The following WNT9B variants were observed in gnomAD, a reference collection of about 807,000 sequenced individuals.
WNT9B encodes the protein protein Wnt-9b.
WNT9B carries 12 observed loss-of-function variants against 30.2 expected under a neutral mutation model. The ratio of observed to expected loss-of-function variants is 0.40; its 90% CI spans 0.26 to 0.64. The LOEUF (loss-of-function observed/expected upper bound fraction) is 0.64. WNT9B is among the 30% of genes least tolerant of loss of function. WNT9B has a pLI of 0.42. For missense variants in WNT9B, 442 were observed against 485.2 expected, an observed-to-expected ratio of 0.91 and a Z score of 0.84; for synonymous variants, 218 against 216.9, an observed-to-expected ratio of 1.01 and a Z score of -0.05.
At chr17:46,861,824 C>T (rs1767528993) in intron 1 of WNT9B, among the ~76,000 whole-genome samples, 1 of 152,178 alleles carries the variant, frequency 6.6e-6, no homozygotes, top group Admixed American at 6.5e-5. Context: ...GTGTTACAAT[C>T]CCTTTGAGGC....
At chr17:46,845,388 T>A (rs1490745684) in intron 1 of WNT9B, among the ~76,000 whole-genome samples, 1 of 152,046 alleles carries the variant, frequency 6.6e-6, no homozygotes. Context: ...GTGGGGGTTA[T>A]ATTCACGGTG....
At chr17:46,866,719 C>G (rs1403400801) in intron 1 of WNT9B, among the ~76,000 whole-genome samples, 1 of 152,102 alleles carries the variant, frequency 6.6e-6, no homozygotes, top group Non-Finnish European at 1.5e-5. Flanking sequence ...CTCCTGGACC[C>G]TCCAGCTAAG....
chr17:46,882,739 T>G (rs2085439555), downstream of WNT9B, among the ~76,000 whole-genome samples: 1 of 152,142 alleles, frequency 6.6e-6, no homozygotes, highest in Non-Finnish European at 1.5e-5. Flanking sequence ...AAACACGGAT[T>G]GGTGGCCTAT....
upstream of WNT9B, among the ~76,000 whole-genome samples, chr17:46,847,015 G>A (rs1335939701): frequency 3.9e-5 from 6 of 152,162 alleles, no homozygotes; most frequent in Non-Finnish European, 7.3e-5. Flanking sequence ...GAGATGTATT[G>A]TTATGTATTT....
upstream of WNT9B, among the ~76,000 whole-genome samples, chr17:46,848,915 G>A (rs111738409): frequency 8.1e-5 from 12 of 147,502 alleles, no homozygotes; most frequent in African/African-American, 2.3e-4. Flanking sequence ...AGCCAGGCCC[G>A]GCACATGTGT....
intron 1 of WNT9B, among the ~76,000 whole-genome samples, chr17:46,840,012 T>TCTTCTTTCTTTCTTTTTTC (rs2084691160): frequency 1.0e-5 from 1 of 96,674 alleles, no homozygotes; most frequent in African/African-American, 4.3e-5. Context: ...TCTTTCTTTC[T>TCTTCTTTCTTTCTTTTTTC]TTCTTTCTTT....
chr17:46,873,371 A>G (rs76991472), intron 2 of WNT9B, among the ~76,000 whole-genome samples: 361 of 152,238 alleles, frequency 2.4e-3, no homozygotes, highest in African/African-American at 7.7e-3. Flanking sequence ...CTGGAGGTTC[A>G]GAGCTGAACC....
At chr17:46,867,696 G>T (rs571343280) in intron 1 of WNT9B, among the ~76,000 whole-genome samples, 1 of 151,900 alleles carries the variant, frequency 6.6e-6, no homozygotes, top group African/African-American at 2.4e-5. Flanking sequence ...ACAATTGTGG[G>T]TGGGGTGTGT....
At position 46,871,478 on chromosome 17, in the gene WNT9B, G is replaced by A. The variant is rs1260530571; in HGVS notation, c.78-1039G>A. On this transcript the variant is annotated intron_variant, in intron 1 of 3. Transcript: ENST00000290015. ...CGTAAATCCTTTGTTTCCTCATCTG[G>A]ACAAAGGGGAGACTCTGCTTAGCTG... Among the ~76,000 whole-genome samples, 6 of 152,094 alleles carry A rather than the reference G, an allele frequency of 3.9e-5. No homozygotes were observed. The East Asian group carries it at 1.2e-3, about 29-fold the overall frequency.
At chr17:46,870,672 G>A (rs1257618531) in intron 1 of WNT9B, among the ~76,000 whole-genome samples, 1 of 152,216 alleles carries the variant, frequency 6.6e-6, no homozygotes, top group Non-Finnish European at 1.5e-5. Context: ...CCTCTGGTGA[G>A]GCTTCCAACT....
At chr17:46,876,169 G>A in intron 3 of WNT9B, 76 bp from the exon 4 acceptor site, 1 of 1,372,400 alleles carries the variant, frequency 7.3e-7, no homozygotes, top group Non-Finnish European at 9.9e-7. Context: ...GCCCTGCTGG[G>A]GTTGGTGCTC....
chr17:46,853,364 T>G (rs1405344309), intron 1 of WNT9B, among the ~76,000 whole-genome samples: 1 of 41,102 alleles, frequency 2.4e-5, no homozygotes, highest in South Asian at 9.9e-4. Context: ...TGCTAGTGAC[T>G]TTTTTTTTTT....
At chr17:46,867,778 G>A (rs576529700) in intron 1 of WNT9B, among the ~76,000 whole-genome samples, 10 of 152,320 alleles carry the variant, frequency 6.6e-5, no homozygotes, top group African/African-American at 2.2e-4. Context: ...GTGAGAGTGT[G>A]TGAGATGAAG....
chr17:46,875,391 A>C, intron 3 of WNT9B, 25 bp downstream of exon 3: 1 of 1,566,832 alleles, frequency 6.4e-7, no homozygotes, highest in East Asian at 2.3e-5. Context: ...GGCTGCCCGC[A>C]GTGCCTTCCC....
chr17:46,866,639 G>C (rs987780543), intron 1 of WNT9B, among the ~76,000 whole-genome samples: 1 of 152,022 alleles, frequency 6.6e-6, no homozygotes, highest in Admixed American at 6.6e-5. Context: ...CCAGCACCCC[G>C]GGCAGCACAA....
At position 46,875,322 on chromosome 17, in the gene WNT9B, C is replaced by A. The variant is rs2085326580; in HGVS notation, c.556C>A (p.Leu186Met). 2 of 1,613,038 alleles carry A rather than the reference C, an allele frequency of 1.2e-6. No homozygotes were observed. Among genetic ancestry groups the A allele is most frequent in the Non-Finnish European group, 1.7e-6 (2 of 1,179,250 alleles). The part of the protein sequence containing the change: ...FLGSKRGNKD[L>M]RARADAHNTH... ...GGGGTCCAAGAGAGGAAACAAGGACCTGCGGGCACGGGCAGACGCCCACAA... is the reference window on the plus strand; with the variant it reads ...GGGGTCCAAGAGAGGAAACAAGGACATGCGGGCACGGGCAGACGCCCACAA... The change falls in exon 3 of 4, where the codon CTG (leucine) becomes ATG (methionine). Residue 186 changes from leucine (L) to methionine (M), a missense_variant. Leu to Met is a conservative substitution (Grantham distance 15). Coordinates refer to ENST00000290015, the MANE Select transcript of WNT9B (RefSeq NM_003396.3).
Position 46,872,574 on chromosome 17 carries a change from G to C in WNT9B, c.135G>C (p.Pro45=), listed in dbSNP as rs372193837. 2.6e-5 allele frequency: 41 copies of C among 1,599,990 alleles called. No individual in the cohort carries two copies. The highest frequency in any genetic ancestry group is 3.2e-5 in the Non-Finnish European group (38 of 1,171,794). The change falls in exon 2 of 4, where the codon CCG becomes CCC. Residue 45 remains proline (P), a synonymous_variant. Transcript: ENST00000290015. ...PFPGLGTAAA[P]AQGGAHLKQC... is the part of the protein sequence containing the mutation. ...CAGGATTGGGCACTGCGGCAGCCCCGGCACAGGGCGGGGCCCACCTGAAGC... is the reference window on the plus strand; with the variant it reads ...CAGGATTGGGCACTGCGGCAGCCCCCGCACAGGGCGGGGCCCACCTGAAGC...
chr17:46,876,171 T>G, intron 3 of WNT9B, 74 bp from the exon 4 acceptor site: 2 of 1,380,658 alleles, frequency 1.4e-6, no homozygotes, highest in Non-Finnish European at 2.0e-6. Context: ...CCTGCTGGGG[T>G]TGGTGCTCTG....
intron 1 of WNT9B, among the ~76,000 whole-genome samples, chr17:46,868,019 A>T (rs2085169579): frequency 6.6e-6 from 1 of 152,140 alleles, no homozygotes; most frequent in Non-Finnish European, 1.5e-5. Context: ...ACCTGGGGTC[A>T]TTGCTTTCTT....
Sources: allele counts gnomAD v4.1 joint callset (sites outside exome capture counted in the v4.1 genomes callset), GRCh38; gene constraint gnomAD v4.1.1; transcripts MANE v1.5; gene names NCBI Gene and HGNC (gene_info 2026-07-23, HGNC 2026-07-21).